Variants in PLA1A observed in about 807,000 individuals in gnomAD.
The protein encoded by PLA1A is phospholipase A1 member A.
Under a neutral mutation model 49.4 loss-of-function variants are expected in PLA1A, and 47 were observed. That is an observed-to-expected ratio of 0.95 (90% CI 0.75 to 1.21). The LOEUF (loss-of-function observed/expected upper bound fraction) is 1.21, where lower values mean the gene tolerates loss of function less well. Ranked by LOEUF, PLA1A falls within the 50% of genes most tolerant of loss-of-function variation. The probability of loss-of-function intolerance (pLI) is 0.00; values close to 1 mark genes in which losing one functional copy is unlikely to be tolerated. For synonymous variants in PLA1A, 224 were observed against 207.9 expected, an observed-to-expected ratio of 1.08 and a Z score of -0.67; for missense variants, 561 against 563.9, an observed-to-expected ratio of 0.99 and a Z score of 0.05.
chr3:119,615,042 A>G (rs566271381), intron 5 of PLA1A, among the ~76,000 whole-genome samples: 3 of 152,228 alleles, frequency 2.0e-5, no homozygotes, highest in African/African-American at 7.2e-5. Context: ...GATGGGCTGC[A>G]TGTGGGGTAT....
chr3:119,625,831 G>A (rs565830049), intron 9 of PLA1A, among the ~76,000 whole-genome samples: 4 of 152,162 alleles, frequency 2.6e-5, no homozygotes, highest in Admixed American at 6.5e-5. Flanking sequence ...GACTACGCTT[G>A]AAGTGAGAGG....
intron 7 of PLA1A, among the ~76,000 whole-genome samples, chr3:119,618,690 C>T (rs2082887485): frequency 6.6e-6 from 1 of 152,112 alleles, no homozygotes; most frequent in African/African-American, 2.4e-5. Flanking sequence ...GGAAAGGATG[C>T]CAGGAAGGCT....
chr3:119,624,145 G>A (rs1216247005), intron 8 of PLA1A, among the ~76,000 whole-genome samples: 1 of 152,196 alleles, frequency 6.6e-6, no homozygotes, highest in African/African-American at 2.4e-5. Context: ...AGGCTGGGAA[G>A]TCCCAGATCA....
chr3:119,629,478 G>A lies in PLA1A; in HGVS notation c.*10G>A. 6.5e-7 allele frequency: 1 copy of A among 1,527,050 alleles called. No homozygotes were observed. Among genetic ancestry groups the A allele is most frequent in the Non-Finnish European group, 9.1e-7 (1 of 1,103,650 alleles). The allele number at this position is 1,527,050 out of a possible 1,614,324, so 94.6% of individuals were successfully genotyped here. A position where few individuals can be genotyped will look rare whatever the true frequency, so the allele number is the denominator to read the frequency against. On this transcript the variant is annotated 3_prime_UTR_variant, in exon 11 of 11. Transcript: ENST00000273371. ...GATAGCCTGTGTGTAGTTTAACCTGGGCAGGACACATCTCCCTGCATTTTT... is the reference window on the plus strand; with the variant it reads ...GATAGCCTGTGTGTAGTTTAACCTGAGCAGGACACATCTCCCTGCATTTTT...
rs763933272 is a variant in PLA1A at position 119,606,783 on chromosome 3, C to G, written c.83C>G (p.Pro28Arg). The change falls in exon 2 of 11, where the codon CCT (proline) becomes CGT (arginine). Residue 28 changes from proline to arginine, a missense_variant. Coordinates refer to ENST00000273371, the MANE Select transcript of PLA1A (RefSeq NM_015900.4). ...WLSVGSSGDA[P>R]PTPQPKCADF... ...TTTTGTTTTCCTCCAGGGGATGCAC[C>G]TCCTACCCCACAGCCAAAGTGCGCT... The G allele has an allele frequency of 6.2e-7, 1 of 1,613,668 alleles. No individual in the cohort carries two copies. Among genetic ancestry groups the G allele is most frequent in the Admixed American group, 1.7e-5 (1 of 60,018 alleles).
chr3:119,609,385 C>T (rs759019376), intron 3 of PLA1A, 83 bp from the exon 4 acceptor site: 6 of 884,832 alleles, frequency 6.8e-6, no homozygotes, highest in Non-Finnish European at 1.2e-5. Flanking sequence ...GCCTCGGCTT[C>T]TGAAGCTTTG....
At chr3:119,617,497 C>T (rs1349855935) in intron 6 of PLA1A, among the ~76,000 whole-genome samples, 2 of 152,062 alleles carry the variant, frequency 1.3e-5, no homozygotes, top group African/African-American at 4.8e-5. Flanking sequence ...AATCTCAGCA[C>T]TCTCGGAGGT....
chr3:119,607,544 G>T (rs990324745), intron 2 of PLA1A, among the ~76,000 whole-genome samples: 3 of 152,176 alleles, frequency 2.0e-5, no homozygotes, highest in Non-Finnish European at 1.5e-5. Flanking sequence ...GAGAGAATAT[G>T]GTAAAGTAAT....
rs756340208 is a variant in PLA1A at position 119,606,791 on chromosome 3, C to T, written c.91C>T (p.Pro31Ser). The change falls in exon 2 of 11, where the codon CCA becomes TCA. Residue 31 changes from proline (P) to serine (S), a missense_variant. Transcript: ENST00000273371. ...VGSSGDAPPTPQPKCADFQSA... is the reference protein window; with the variant it reads ...VGSSGDAPPTSQPKCADFQSA... Reference sequence around the variant, plus strand: ...TCCTCCAGGGGATGCACCTCCTACCCCACAGCCAAAGTGCGCTGACTTCCA... The same window carrying T: ...TCCTCCAGGGGATGCACCTCCTACCTCACAGCCAAAGTGCGCTGACTTCCA... 6.2e-7 allele frequency: 1 copy of T among 1,614,070 alleles called. No individual in the cohort carries two copies. The highest frequency in any genetic ancestry group is 1.7e-5 in the Admixed American group (1 of 60,012).
rs114446049 is a variant in PLA1A, at chr3:119,626,046, T to G, written c.1121+814T>G. ...AAGGAATTTAGCACAGTGAACTCAT[T>G]ACAAGTGTGTTGGATGAGCTGGAAA... is the stretch of plus-strand genomic sequence containing the variant. On this transcript the variant is annotated intron_variant, in intron 9 of 10. Transcript: ENST00000273371. 5.2e-3 allele frequency among the ~76,000 whole-genome samples: 798 copies of G among 152,238 alleles called. 9 individuals carry two copies. Among genetic ancestry groups the G allele is most frequent in the African/African-American group, 0.018 (760 of 41,548 alleles).
chr3:119,611,971 A>G (rs2082769328), intron 4 of PLA1A, among the ~76,000 whole-genome samples: 1 of 152,190 alleles, frequency 6.6e-6, no homozygotes, highest in African/African-American at 2.4e-5. Flanking sequence ...TAAACTTTAG[A>G]CAGTTTTGTT....
chr3:119,619,598 C>T lies in PLA1A; in HGVS notation c.958C>T (p.Leu320Phe), dbSNP rs201743271. Residue 320 changes from leucine (L) to phenylalanine (F), a missense_variant, in exon 8 of 11, where the codon CTC (leucine) becomes TTC (phenylalanine). Leu to Phe is a conservative substitution (Grantham distance 22). Coordinates refer to ENST00000273371, the MANE Select transcript of PLA1A (RefSeq NM_015900.4). ...ACAAGGTGGTGTCAAGATAGAGCCG[C>T]TCCCCAAGGAAGTGAAAGTCTACCT... ...VEQGGVKIEP[L>F]PKEVKVYLLT... 6.2e-7 allele frequency: 1 copy of T among 1,613,940 alleles called. No individual in the cohort carries two copies. Among genetic ancestry groups the T allele is most frequent in the Non-Finnish European group, 8.5e-7 (1 of 1,179,796 alleles).
intron 8 of PLA1A, among the ~76,000 whole-genome samples, chr3:119,622,145 A>G (rs1251507061): frequency 1.5e-5 from 2 of 132,780 alleles, no homozygotes; most frequent in Non-Finnish European, 3.0e-5. Flanking sequence ...GAGGAGGAGG[A>G]GGAGGAAGAA....
intron 6 of PLA1A, among the ~76,000 whole-genome samples, chr3:119,617,738 G>A (rs960599274): frequency 1.1e-4 from 12 of 113,102 alleles, no homozygotes; most frequent in East Asian, 5.5e-4. Flanking sequence ...GTGAGATTCC[G>A]TCTCAAAAAA....
At chr3:119,610,070 G>A (rs1376613657) in intron 4 of PLA1A, among the ~76,000 whole-genome samples, 2 of 152,180 alleles carry the variant, frequency 1.3e-5, no homozygotes, top group African/African-American at 4.8e-5. Flanking sequence ...GTGAAAACAT[G>A]CGGTATTTGG....
At chr3:119,609,370 C>T in intron 3 of PLA1A, 98 bp from the exon 4 acceptor site, 2 of 810,244 alleles carry the variant, frequency 2.5e-6, no homozygotes, top group Non-Finnish European at 4.5e-6. Context: ...TGTGTCATGC[C>T]CAGGGCCTCG....
At position 119,606,875 on chromosome 3, in the gene PLA1A, T is replaced by A. The variant is rs1377000548; in HGVS notation, c.175T>A (p.Ser59Thr). Residue 59 changes from serine (S) to threonine (T), a missense_variant, in exon 2 of 11, where the codon TCG becomes ACG. Coordinates refer to ENST00000273371, the MANE Select transcript of PLA1A (RefSeq NM_015900.4). ...LKVQFLLFVPSNPSCGQLVEG... is the reference protein window; with the variant it reads ...LKVQFLLFVPTNPSCGQLVEG... ...AGTCCAGTTTCTCCTCTTTGTCCCT[T>A]CGAATCCTAGCTGTGGGCAGCTAGT... is the stretch of plus-strand genomic sequence containing the variant. The A allele has an allele frequency of 6.2e-7, 1 of 1,613,996 alleles. No individual in the cohort carries two copies. Among genetic ancestry groups the A allele is most frequent in the Non-Finnish European group, 8.5e-7 (1 of 1,179,998 alleles).
intron 2 of PLA1A, among the ~76,000 whole-genome samples, chr3:119,608,385 A>C (rs188065826): frequency 6.6e-6 from 1 of 152,338 alleles, no homozygotes; most frequent in African/African-American, 2.4e-5. Flanking sequence ...ACTCTAGGGC[A>C]TATTTCTTTT....
Position 119,608,720 on chromosome 3 carries a change from A to G in PLA1A, c.276-50A>G, listed in dbSNP as rs376515521. On this transcript the variant is annotated intron_variant, in intron 2 of 10. Transcript: ENST00000273371. ...TTAATAGAGGTTTCCATGACAATGAATATCCACTTGGCAGGTAATTTTTCC... is the reference window on the plus strand; with the variant it reads ...TTAATAGAGGTTTCCATGACAATGAGTATCCACTTGGCAGGTAATTTTTCC... 5 of 1,383,470 alleles carry G rather than the reference A, an allele frequency of 3.6e-6. No homozygotes were observed. In the African/African-American group the frequency reaches 7.3e-5, roughly 20 times the overall value. 85.7% of individuals were successfully genotyped at this position (1,383,470 alleles called of 1,614,324 possible). A position where few individuals can be genotyped will look rare whatever the true frequency, so the allele number is the denominator to read the frequency against.
Sources: gnomAD v4.1 joint callset for allele counts (sites outside exome capture counted in the v4.1 genomes callset) on GRCh38, gnomAD v4.1.1 for gene constraint, MANE v1.5 for transcripts, NCBI Gene and HGNC (gene_info 2026-07-23, HGNC 2026-07-21) for gene names.